The following NLRP14 variants were observed in gnomAD, a reference collection of about 807,000 sequenced individuals.
NLRP14 encodes the protein NLR family pyrin domain containing 14.
A neutral mutation model predicts 94.7 loss-of-function variants in NLRP14; 105 were observed. The observed-to-expected ratio is 1.11, with a 90% CI of 0.95 to 1.30. The LOEUF (loss-of-function observed/expected upper bound fraction) is 1.30. Among genes scored for constraint, NLRP14 ranks in the 50% most tolerant of loss-of-function variants. The pLI is 0.00. For synonymous variants in NLRP14, 508 were observed against 459.9 expected (o/e 1.10, Z -1.34); for missense variants, 1,362 against 1,254.1 (o/e 1.09, Z -1.30).
At chr11:7,046,937 C>A (rs75044836) in intron 5 of NLRP14, 105 bp downstream of exon 5, 25 of 861,914 alleles carry the variant, frequency 2.9e-5, no homozygotes, top group African/African-American at 6.6e-5. Context: ...CAAATACTTA[C>A]AATCCATTTT....
At chr11:7,076,074 C>T (rs1278912987), downstream of NLRP14, among the ~76,000 whole-genome samples, 1 of 152,182 alleles carries the variant, frequency 6.6e-6, no homozygotes, top group African/African-American at 2.4e-5. Flanking sequence ...AGTGTCACTG[C>T]TGTGGAACAG....
chr11:7,045,892 T>C (rs936209010), intron 4 of NLRP14, among the ~76,000 whole-genome samples: 4 of 152,210 alleles, frequency 2.6e-5, no homozygotes, highest in African/African-American at 9.6e-5. Context: ...TCTTCATTTA[T>C]CAAGATCATG....
At chr11:7,080,843 C>G in the NLRP14 span, among the ~76,000 whole-genome samples, 1 of 152,194 alleles carries the variant, frequency 6.6e-6, no homozygotes, top group Non-Finnish European at 1.5e-5. Context: ...GAGAGGTGCT[C>G]CTGGCCGATT....
intron 1 of NLRP14, among the ~76,000 whole-genome samples, chr11:7,035,828 A>C (rs1183206859): frequency 6.6e-6 from 1 of 152,176 alleles, no homozygotes; most frequent in Non-Finnish European, 1.5e-5. Context: ...AGGGTCTGCT[A>C]TCACAGAGCA....
chr11:7,088,980 C>T, the NLRP14 span: 2 of 978,442 alleles, frequency 2.0e-6, no homozygotes, highest in Non-Finnish European at 3.1e-6. Context: ...TGCAGCGGGG[C>T]TCCGGCTGCG....
chr11:7,034,898 T>G (rs1167263662), intron 1 of NLRP14, among the ~76,000 whole-genome samples: 1 of 152,216 alleles, frequency 6.6e-6, no homozygotes, highest in Non-Finnish European at 1.5e-5. Context: ...TCCTCCCAAT[T>G]ATGGTGTCTC....
chr11:7,075,774 A>G (rs1171284321), downstream of NLRP14, among the ~76,000 whole-genome samples: 1 of 152,228 alleles, frequency 6.6e-6, no homozygotes, highest in Non-Finnish European at 1.5e-5. Context: ...TTTCTTTTAA[A>G]GAACAATGAT....
intron 6 of NLRP14, among the ~76,000 whole-genome samples, chr11:7,053,841 A>G (rs1189449903): frequency 1.3e-5 from 2 of 152,130 alleles, no homozygotes; most frequent in Admixed American, 6.6e-5. Flanking sequence ...AAAATGTACA[A>G]TTATTTTTTA....
At position 7,039,760 on chromosome 11, in the gene NLRP14, A is replaced by G; in HGVS notation, c.336A>G (p.Thr112=). ...IGPDDAKAGE[T]QEDQEAVLGD... The stretch of plus-strand genomic sequence containing the variant: ...CAGATGATGCCAAGGCTGGAGAGAC[A>G]CAAGAAGATCAGGAGGCAGTGCTGG... Residue 112 remains threonine (T), a synonymous_variant, in exon 3 of 12, where the codon ACA becomes ACG. Coordinates refer to ENST00000299481, the MANE Select transcript of NLRP14 (RefSeq NM_176822.4). 1 of 1,614,110 alleles carries G rather than the reference A, an allele frequency of 6.2e-7. No individual in the cohort carries two copies. Among genetic ancestry groups the G allele is most frequent in the East Asian group, 2.2e-5 (1 of 44,882 alleles).
At chr11:7,053,881 C>T (rs1852479538) in intron 6 of NLRP14, among the ~76,000 whole-genome samples, 2 of 152,058 alleles carry the variant, frequency 1.3e-5, no homozygotes, top group Non-Finnish European at 1.5e-5. Context: ...CTAGCAAATA[C>T]TCAGTCTTAT....
At chr11:7,072,639 C>T (rs540802523), downstream of NLRP14, among the ~76,000 whole-genome samples, 12 of 152,194 alleles carry the variant, frequency 7.9e-5, no homozygotes, top group Non-Finnish European at 1.5e-4. Flanking sequence ...GCCCCGTGCA[C>T]GGTGTGTTTA....
rs60703550 is a variant in NLRP14, at chr11:7,056,515, CAAAA to C, written c.2292-1148_2292-1145del. 8.1e-5 allele frequency among the ~76,000 whole-genome samples: 10 copies of C among 122,832 alleles called. No individual in the cohort carries two copies. The East Asian group carries it at 2.1e-3, about 26-fold the overall frequency. 80.6% of individuals were successfully genotyped at this position (122,832 alleles called of 152,430 possible). ...AGCTGAAATTCTATTAGCACTAATA[CAAAA>C]AAAAAAAAAAAAAGAAATCTCAAGA... On this transcript the variant is annotated intron_variant, in intron 6 of 11. Coordinates refer to ENST00000299481, the MANE Select transcript of NLRP14 (RefSeq NM_176822.4).
intron 10 of NLRP14, among the ~76,000 whole-genome samples, chr11:7,062,901 G>C (rs956649622): frequency 6.6e-6 from 1 of 152,078 alleles, no homozygotes; most frequent in African/African-American, 2.4e-5. Context: ...CACATTCTGT[G>C]TTGTGGACAT....
the NLRP14 span, among the ~76,000 whole-genome samples, chr11:7,087,690 T>C: frequency 4.3e-4 from 66 of 152,070 alleles, no homozygotes; most frequent in African/African-American, 1.5e-3. Flanking sequence ...AAAGTAGAAA[T>C]AGAAGGCATA....
intron 10 of NLRP14, among the ~76,000 whole-genome samples, chr11:7,067,464 A>G (rs185561306): frequency 2.3e-3 from 354 of 152,268 alleles, no homozygotes; most frequent in African/African-American, 8.2e-3. Flanking sequence ...CTTTGTAGCA[A>G]TTGTGAATGG....
intron 1 of NLRP14, among the ~76,000 whole-genome samples, chr11:7,032,655 G>T (rs1373196344): frequency 6.6e-6 from 1 of 152,068 alleles, no homozygotes; most frequent in Non-Finnish European, 1.5e-5. Flanking sequence ...CATTAGTTGT[G>T]CTATCTGCCT....
chr11:7,066,323 C>T (rs1852706823), intron 10 of NLRP14, among the ~76,000 whole-genome samples: 1 of 152,202 alleles, frequency 6.6e-6, no homozygotes, highest in African/African-American at 2.4e-5. Context: ...ACACTCTCAC[C>T]AACAGTGTAA....
the NLRP14 span, among the ~76,000 whole-genome samples, chr11:7,085,395 C>A: frequency 5.9e-5 from 9 of 152,134 alleles, no homozygotes; most frequent in Non-Finnish European, 5.9e-5. Context: ...GTTCATTTTC[C>A]CCTCCTAGCC....
intron 1 of NLRP14, among the ~76,000 whole-genome samples, chr11:7,024,818 G>GA (rs1410876317): frequency 2.0e-5 from 3 of 151,870 alleles, no homozygotes; most frequent in African/African-American, 7.3e-5. Flanking sequence ...AATTGGAGGA[G>GA]AAAAAATGGT....
Sources: allele counts gnomAD v4.1 joint callset (sites outside exome capture counted in the v4.1 genomes callset), GRCh38; gene constraint gnomAD v4.1.1; transcripts MANE v1.5; gene names NCBI Gene and HGNC (gene_info 2026-07-23, HGNC 2026-07-21).